Variants in ANKUB1 observed in about 807,000 individuals in gnomAD.
The protein encoded by ANKUB1 is ankyrin repeat and ubiquitin domain containing 1.
A neutral mutation model predicts 49.3 loss-of-function variants in ANKUB1; 42 were observed. That is an observed-to-expected ratio of 0.85 (90% CI 0.67 to 1.10). The LOEUF is 1.10. Ranked by LOEUF, ANKUB1 falls within the 50% of genes least tolerant of loss-of-function variation. The pLI is 0.00. For missense variants in ANKUB1, 613 were observed against 642.0 expected, an observed-to-expected ratio of 0.95 and a Z score of 0.49; for synonymous variants, 222 against 231.0, an observed-to-expected ratio of 0.96 and a Z score of 0.35.
Position 149,768,638 on chromosome 3 carries a change from T to C in ANKUB1, c.567-543A>G, listed in dbSNP as rs76172856. Reference sequence around the variant, plus strand: ...CTCACTGCAACCTCCACCTCCCGAGTTGAAGCAATTATCCTGCCTCAGCCT... The same window carrying C: ...CTCACTGCAACCTCCACCTCCCGAGCTGAAGCAATTATCCTGCCTCAGCCT... On this transcript the variant is annotated intron_variant, in intron 4 of 5. Coordinates refer to ENST00000446160, the MANE Select transcript of ANKUB1 (RefSeq NM_001144960.3). Among the ~76,000 whole-genome samples the C allele has an allele frequency of 5.4e-4, 82 of 152,170 alleles. 1 individual carries two copies. The East Asian group carries it at 0.014, about 26-fold the overall frequency.
At position 149,781,687 on chromosome 3, in the gene ANKUB1, C is replaced by T. The variant is rs540801826; in HGVS notation, c.235-1232G>A. ...TTATAATAAATTAAATGCTCCTCTCCCACATAACACATTGCAGTAATATGG... is the reference window on the plus strand; with the variant it reads ...TTATAATAAATTAAATGCTCCTCTCTCACATAACACATTGCAGTAATATGG... On this transcript the variant is annotated intron_variant, in intron 2 of 5. Coordinates refer to ENST00000446160, the MANE Select transcript of ANKUB1 (RefSeq NM_001144960.3). Among the ~76,000 whole-genome samples the T allele has an allele frequency of 3.3e-5, 5 of 152,316 alleles. No homozygotes were observed. The South Asian group carries it at 1.0e-3, about 32-fold the overall frequency.
intron 3 of ANKUB1, among the ~76,000 whole-genome samples, chr3:149,772,641 A>G (rs138612427): frequency 6.6e-6 from 1 of 151,922 alleles, no homozygotes; most frequent in East Asian, 1.9e-4. Flanking sequence ...AAAATGAGAT[A>G]TTTTTCTGTT....
chr3:149,782,149 A>C lies in ANKUB1; in HGVS notation c.235-1694T>G, dbSNP rs371966123. ...TTTTTTATTTCTTTAAAAATTCCTA[A>C]TTTATATTTAGAATTAAATGCAAAT... On this transcript the variant is annotated intron_variant, in intron 2 of 5. Coordinates refer to ENST00000446160, the MANE Select transcript of ANKUB1 (RefSeq NM_001144960.3). Among the ~76,000 whole-genome samples, 13 of 152,308 alleles carry C rather than the reference A, an allele frequency of 8.5e-5. No individual in the cohort carries two copies. The East Asian group carries it at 2.1e-3, about 25-fold the overall frequency.
intron 2 of ANKUB1, chr3:149,783,524 C>G (rs1717957860): frequency 6.6e-6 from 1 of 152,166 alleles, no homozygotes; most frequent in Admixed American, 6.5e-5. Context: ...CAAATGCAAA[C>G]TTACTGTAAA....
At chr3:149,770,750 G>T in intron 3 of ANKUB1, 76 bp from the exon 4 acceptor site, 1 of 852,214 alleles carries the variant, frequency 1.2e-6, no homozygotes, top group Non-Finnish European at 1.8e-6. Flanking sequence ...TCTAATGGTA[G>T]CTTTCCCCAA....
At chr3:149,785,510 G>A (rs1232139899) in intron 2 of ANKUB1, among the ~76,000 whole-genome samples, 1 of 151,930 alleles carries the variant, frequency 6.6e-6, no homozygotes, top group Non-Finnish European at 1.5e-5. Context: ...AACATGTGGT[G>A]TTTGGTTTTC....
chr3:149,767,927 A>G lies in ANKUB1; in HGVS notation c.735T>C (p.His245=), dbSNP rs1315883673. 1 of 1,550,026 alleles carries G rather than the reference A, an allele frequency of 6.5e-7. No homozygotes were observed. Among genetic ancestry groups the G allele is most frequent in the Non-Finnish European group, 8.7e-7 (1 of 1,145,536 alleles). The change falls in exon 5 of 6, where the codon CAT becomes CAC. Residue 245 remains histidine (H), a synonymous_variant. Transcript: ENST00000446160. ...LHADVSKCPI[H]AAAEAGQLLI... is the part of the protein sequence containing the mutation. Reference sequence around the variant, plus strand: ...ACAGTTGGCCTGCTTCTGCGGCTGCATGAATGGGGCATTTAGAGACATCTG... The same window carrying G: ...ACAGTTGGCCTGCTTCTGCGGCTGCGTGAATGGGGCATTTAGAGACATCTG...
chr3:149,775,748 T>C (rs965336576), intron 3 of ANKUB1, among the ~76,000 whole-genome samples: 2 of 152,138 alleles, frequency 1.3e-5, no homozygotes, highest in South Asian at 2.1e-4. Flanking sequence ...TGCCAGTTTA[T>C]GAATATATGT....
rs1310370395 is a variant in ANKUB1, at chr3:149,790,795, T to C, written c.220A>G (p.Lys74Glu). Residue 74 changes from lysine to glutamate, a missense_variant, in exon 2 of 6, where the codon AAA becomes GAA. Physicochemically the swap from Lys to Glu is moderately conservative, Grantham distance 56. Transcript: ENST00000446160. ...DVGISFCSTL[K>E]CFVKEEDKPT... Reference sequence around the variant, plus strand: ...GACCATCATACCTTAACAAAGCATTTGAGAGTTGAACAGAAAGATATTCCA... The same window carrying C: ...GACCATCATACCTTAACAAAGCATTCGAGAGTTGAACAGAAAGATATTCCA... 3 of 1,551,026 alleles carry C rather than the reference T, an allele frequency of 1.9e-6. No individual in the cohort carries two copies. Among genetic ancestry groups the C allele is most frequent in the Non-Finnish European group, 2.6e-6 (3 of 1,146,806 alleles).
intron 2 of ANKUB1, among the ~76,000 whole-genome samples, chr3:149,788,405 C>T: frequency 6.6e-6 from 1 of 150,674 alleles, no homozygotes. Flanking sequence ...TTTTTTGAGA[C>T]AGGGTCTCAC....
rs1717057324 is a variant in ANKUB1 at position 149,767,055 on chromosome 3, G to T, written c.1505+102C>A. 3 of 1,181,204 alleles carry T rather than the reference G, an allele frequency of 2.5e-6. No homozygotes were observed. In the African/African-American group the frequency reaches 4.6e-5, roughly 18 times the overall value. The allele number at this position is 1,181,204 out of a possible 1,614,324, so 73.2% of individuals were successfully genotyped here. A position where few individuals can be genotyped will look rare whatever the true frequency, so the allele number is the denominator to read the frequency against. On this transcript the variant is annotated intron_variant, in intron 5 of 5. Transcript: ENST00000446160. Reference sequence around the variant, plus strand: ...GGGTATTGATGCACTGGAACAACTTGTATTACTTTCAGTGGCATAGTAGGG... The same window carrying T: ...GGGTATTGATGCACTGGAACAACTTTTATTACTTTCAGTGGCATAGTAGGG...
chr3:149,764,059 A>G (rs1160562685), intron 5 of ANKUB1: 1 of 455,852 alleles, frequency 2.2e-6, no homozygotes, highest in African/African-American at 2.0e-5. Flanking sequence ...GAAGGATTAC[A>G]TTAGGTTCTT....
Position 149,770,630 on chromosome 3 carries a change from G to T in ANKUB1, c.496C>A (p.Leu166Met). The T allele has an allele frequency of 2.6e-6, 4 of 1,550,546 alleles. No individual in the cohort carries two copies. Among genetic ancestry groups the T allele is most frequent in the Non-Finnish European group, 3.5e-6 (4 of 1,146,518 alleles). ...LDVWDGWKEFLMGCLLGQKLK... is the reference protein window; with the variant it reads ...LDVWDGWKEFMMGCLLGQKLK... ...TTTTGTCCAAGGAGACAACCCATCA[G>T]AAATTCCTTCCATCCATCCCAGACA... is the stretch of plus-strand genomic sequence containing the variant. The change falls in exon 4 of 6, where the codon CTG becomes ATG. Residue 166 changes from leucine to methionine, a missense_variant. Coordinates refer to ENST00000446160, the MANE Select transcript of ANKUB1 (RefSeq NM_001144960.3).
intron 2 of ANKUB1, among the ~76,000 whole-genome samples, chr3:149,787,585 G>T (rs1718164840): frequency 6.6e-6 from 1 of 152,018 alleles, no homozygotes; most frequent in South Asian, 2.1e-4. Context: ...TGATTGCCCT[G>T]GCCAGAACTT....
chr3:149,786,407 T>C (rs1718103659), intron 2 of ANKUB1, among the ~76,000 whole-genome samples: 1 of 152,244 alleles, frequency 6.6e-6, no homozygotes, highest in Non-Finnish European at 1.5e-5. Flanking sequence ...TCATGTCCTT[T>C]GCCCACTTTT....
chr3:149,761,510 C>T lies in ANKUB1; in HGVS notation c.1609G>A (p.Glu537Lys). 6.4e-7 allele frequency: 1 copy of T among 1,551,446 alleles called. No individual in the cohort carries two copies. Residue 537 changes from glutamate (E) to lysine (K), a missense_variant, in exon 6 of 6, where the codon GAA (glutamate) becomes AAA (lysine). Transcript: ENST00000446160. ...CAAAGCACAGTTTCTAGAGAGTTTT[C>T]ACACGCTGTCAGACCTCCTCGGGTA... is the stretch of plus-strand genomic sequence containing the variant. ...LTTRGGLTAC[E>K]NSLETVL
At chr3:149,786,214 T>C (rs35693324) in intron 2 of ANKUB1, among the ~76,000 whole-genome samples, 118,561 of 151,728 alleles carry the variant, frequency 0.78, 46,537 homozygotes, top group East Asian at 0.9. Context: ...TTTTTGTACT[T>C]TTAGTAGAAA....
intron 5 of ANKUB1, among the ~76,000 whole-genome samples, chr3:149,765,750 T>C (rs1243538276): frequency 1.3e-5 from 2 of 152,248 alleles, no homozygotes; most frequent in Admixed American, 6.5e-5. Context: ...ATGTAGTTTT[T>C]TCAATTAATA....
At chr3:149,791,324 G>C (rs1252829101) in intron 1 of ANKUB1, among the ~76,000 whole-genome samples, 1 of 152,186 alleles carries the variant, frequency 6.6e-6, no homozygotes. Context: ...ATAGTTATTA[G>C]ATGAGCTGCT....
Sources: gnomAD v4.1 joint callset for allele counts (sites outside exome capture counted in the v4.1 genomes callset) on GRCh38, gnomAD v4.1.1 for gene constraint, MANE v1.5 for transcripts, NCBI Gene and HGNC (gene_info 2026-07-23, HGNC 2026-07-21) for gene names.